Variants in DIAPH2 observed in about 807,000 individuals in gnomAD.
The protein encoded by DIAPH2 is protein diaphanous homolog 2.
Under a neutral mutation model 92.7 loss-of-function variants are expected in DIAPH2, and 35 were observed. That is an observed-to-expected ratio of 0.38 (90% CI 0.29 to 0.50). The LOEUF (loss-of-function observed/expected upper bound fraction) is 0.50. DIAPH2 is among the 20% of genes least tolerant of loss of function. The pLI, the probability that DIAPH2 is intolerant of heterozygous loss-of-function variation, is 0.94. For synonymous variants in DIAPH2, 301 were observed against 280.4 expected (o/e 1.07, Z -0.73); for missense variants, 701 against 819.5 (o/e 0.86, Z 1.77).
chrX:96,901,969 G>C (rs1216711752), intron 5 of DIAPH2, among the ~76,000 whole-genome samples: 1 of 111,824 alleles, frequency 8.9e-6, no homozygotes, highest in Non-Finnish European at 1.9e-5. Context: ...TATAACAGAG[G>C]TTTTGATAAC....
chrX:97,552,309 T>G (rs2071225604), intron 26 of DIAPH2, among the ~76,000 whole-genome samples: 1 of 111,884 alleles, frequency 8.9e-6, no homozygotes, highest in African/African-American at 3.2e-5. Context: ...ACATGAAAAG[T>G]TCAGATGAAA....
chrX:97,093,294 A>G (rs182796752), intron 19 of DIAPH2, among the ~76,000 whole-genome samples: 23 of 111,503 alleles, frequency 2.1e-4, no homozygotes, highest in African/African-American at 5.9e-4. Context: ...AAAATAGGTG[A>G]AGGATGGATA....
chrX:97,296,626 T>C lies in DIAPH2; in HGVS notation c.2844+48787T>C, dbSNP rs753676098. Among the ~76,000 whole-genome samples, 17 of 112,131 alleles carry C rather than the reference T, an allele frequency of 1.5e-4. No individual in the cohort carries two copies. In the South Asian group the frequency reaches 6.2e-3, roughly 41 times the overall value. ...TTACACCATAATTTCCCAATGTTTA[T>C]GTAAACATTATAGGAACTCTGTATT... On this transcript the variant is annotated intron_variant, in intron 23 of 26. Coordinates refer to ENST00000324765, the MANE Select transcript of DIAPH2 (RefSeq NM_006729.5).
intron 3 of DIAPH2, 71 bp from the exon 4 acceptor site, chrX:96,758,083 G>A: frequency 1.1e-6 from 1 of 872,591 alleles, no homozygotes; most frequent in East Asian, 3.5e-5. Flanking sequence ...AATTATTAAT[G>A]TTTACTAATC....
chrX:96,693,727 A>G (rs763361961), intron 1 of DIAPH2, among the ~76,000 whole-genome samples: 1 of 112,602 alleles, frequency 8.9e-6, no homozygotes, highest in East Asian at 2.8e-4. Flanking sequence ...TTTTAGTCTC[A>G]TACCTGATAA....
At chrX:97,517,851 AATC>A (rs1349945132) in intron 26 of DIAPH2, among the ~76,000 whole-genome samples, 1 of 112,511 alleles carries the variant, frequency 8.9e-6, no homozygotes, top group Non-Finnish European at 1.9e-5. Flanking sequence ...GAACCAGCAA[AATC>A]ATGTTATACA....
At position 97,389,549 on chromosome X, in the gene DIAPH2, C is replaced by T. The variant is rs767871832; in HGVS notation, c.3145+5505C>T. ...CTCCCACACTACAGCAATTCCTACG[C>T]TCCTCCAAGTGTTTATTAACCTTTC... On this transcript the variant is annotated intron_variant, in intron 25 of 26. Transcript: ENST00000324765. 2.1e-4 allele frequency among the ~76,000 whole-genome samples: 23 copies of T among 110,083 alleles called. No homozygotes were observed. The South Asian group carries it at 7.9e-3, about 38-fold the overall frequency.
At chrX:97,549,546 TAA>T (rs1434157004) in intron 26 of DIAPH2, among the ~76,000 whole-genome samples, 2 of 111,857 alleles carry the variant, frequency 1.8e-5, no homozygotes, top group African/African-American at 6.5e-5. Flanking sequence ...CCTGAATACT[TAA>T]GTGTGTATTT....
intron 22 of DIAPH2, among the ~76,000 whole-genome samples, chrX:97,244,886 C>T (rs2068126731): frequency 9.0e-6 from 1 of 111,003 alleles, no homozygotes; most frequent in Admixed American, 9.6e-5. Context: ...GTCAGGAGAT[C>T]GAGACCATCC....
chrX:97,257,755 G>GA (rs1285479356), intron 23 of DIAPH2, among the ~76,000 whole-genome samples: 4 of 111,151 alleles, frequency 3.6e-5, no homozygotes, highest in Non-Finnish European at 5.7e-5. Flanking sequence ...TCATAAAATT[G>GA]AAAAAATCAT....
At chrX:97,050,728 AT>A (rs773946144) in intron 17 of DIAPH2, among the ~76,000 whole-genome samples, 2 of 110,407 alleles carry the variant, frequency 1.8e-5, no homozygotes, top group East Asian at 2.8e-4. Context: ...CTGATTTATG[AT>A]TTTTTTTGTA....
chrX:97,093,042 G>GC (rs145112689), intron 19 of DIAPH2, among the ~76,000 whole-genome samples: 33,538 of 107,252 alleles, frequency 0.31, 5,020 homozygotes, highest in South Asian at 0.52. Flanking sequence ...TTAAAAATCA[G>GC]CCAGGCCTGG....
chrX:97,475,826 TC>T (rs2070598855), intron 26 of DIAPH2, among the ~76,000 whole-genome samples: 1 of 112,133 alleles, frequency 8.9e-6, no homozygotes, highest in Admixed American at 9.5e-5. Flanking sequence ...TCAAGTTGCA[TC>T]TATAAGTCAT....
intron 22 of DIAPH2, among the ~76,000 whole-genome samples, chrX:97,187,061 C>T (rs574034378): frequency 9.0e-6 from 1 of 110,958 alleles, no homozygotes; most frequent in Non-Finnish European, 1.9e-5. Flanking sequence ...ATATTGTTTG[C>T]GAGATTCCAC....
chrX:97,412,948 G>A (rs1366548389), intron 25 of DIAPH2, among the ~76,000 whole-genome samples: 1 of 111,672 alleles, frequency 9.0e-6, no homozygotes, highest in Non-Finnish European at 1.9e-5. Flanking sequence ...AGGACCAGAC[G>A]GATTTGCAGC....
At chrX:97,341,961 A>C (rs1602521600) in intron 23 of DIAPH2, among the ~76,000 whole-genome samples, 1 of 112,046 alleles carries the variant, frequency 8.9e-6, no homozygotes, top group Non-Finnish European at 1.9e-5. Flanking sequence ...ATTGACATAA[A>C]ATTAACTATT....
At chrX:97,363,395 G>A (rs11092148) in intron 24 of DIAPH2, among the ~76,000 whole-genome samples, 44,144 of 108,655 alleles carry the variant, frequency 0.41, 7,879 homozygotes, top group Non-Finnish European at 0.55. Context: ...AGTGGCTCAC[G>A]CCTATAATCC....
chrX:97,070,383 A>G (rs1341699400), intron 17 of DIAPH2, among the ~76,000 whole-genome samples: 1 of 111,890 alleles, frequency 8.9e-6, no homozygotes, highest in Middle Eastern at 4.2e-3. Context: ...AATGTTTTGT[A>G]ACCATTAGAA....
intron 22 of DIAPH2, among the ~76,000 whole-genome samples, chrX:97,173,874 C>T (rs2067471906): frequency 9.3e-6 from 1 of 106,989 alleles, no homozygotes; most frequent in South Asian, 4.1e-4. Flanking sequence ...TGCTACTGCA[C>T]TCCAGCCTGA....
Sources: allele counts gnomAD v4.1 joint callset (sites outside exome capture counted in the v4.1 genomes callset), GRCh38; gene constraint gnomAD v4.1.1; transcripts MANE v1.5; gene names NCBI Gene and HGNC (gene_info 2026-07-23, HGNC 2026-07-21).